Variants in ATP8B1 observed in about 807,000 individuals in gnomAD.
ATP8B1 encodes ATPase phospholipid transporting 8B1, also known as phospholipid-transporting ATPase IC.
ATP8B1 carries 80 observed loss-of-function variants against 149.9 expected under a neutral mutation model. The observed-to-expected ratio is 0.53, with a 90% CI of 0.45 to 0.64. The LOEUF (loss-of-function observed/expected upper bound fraction) is 0.64, where lower values mean the gene tolerates loss of function less well. Among genes scored for constraint, ATP8B1 ranks in the 30% least tolerant of loss-of-function variants. ATP8B1 has a pLI of 0.00. For missense variants in ATP8B1, 1,247 were observed against 1,552.6 expected (o/e 0.80, Z 3.31); for synonymous variants, 536 against 562.8 (o/e 0.95, Z 0.67).
intron 1 of ATP8B1, among the ~76,000 whole-genome samples, chr18:57,758,327 C>T (rs942573208): frequency 3.2e-5 from 2 of 63,184 alleles, no homozygotes; most frequent in Non-Finnish European, 6.5e-5. Context: ...TCTGTTTATC[C>T]GTCCTGTGTG....
chr18:57,709,055 C>T (rs929809555), intron 2 of ATP8B1, among the ~76,000 whole-genome samples: 4 of 152,186 alleles, frequency 2.6e-5, no homozygotes, highest in African/African-American at 4.8e-5. Flanking sequence ...ACCGCAAACA[C>T]GTTTTTACTC....
chr18:57,775,526 T>C (rs975460119), intron 1 of ATP8B1, among the ~76,000 whole-genome samples: 8 of 151,908 alleles, frequency 5.3e-5, no homozygotes, highest in Admixed American at 2.6e-4. Context: ...GAAGGAATTC[T>C]AACTCCATAT....
In ATP8B1 at chr18:57,695,332, T is replaced by C; in HGVS notation, c.782-3A>G. 1 of 1,597,466 alleles carries C rather than the reference T, an allele frequency of 6.3e-7. No individual in the cohort carries two copies. Among genetic ancestry groups the C allele is most frequent in the Non-Finnish European group, 8.6e-7 (1 of 1,165,302 alleles). On this transcript the variant is annotated splice_polypyrimidine_tract_variant and splice_region_variant and intron_variant, in intron 9 of 27. Transcript: ENST00000648908. The stretch of plus-strand genomic sequence containing the variant: ...GGGTTCTTCACATTCAATAAAACCT[T>C]TTAAAAATATAAGATTCACATAATT...
At chr18:57,800,605 TAAAG>T (rs1444695035) in intron 1 of ATP8B1, among the ~76,000 whole-genome samples, 6 of 152,192 alleles carry the variant, frequency 3.9e-5, no homozygotes, top group Admixed American at 2.0e-4. Flanking sequence ...ATCAATCTAA[TAAAG>T]AAAGTAAGAA....
rs1599059707 is a variant in ATP8B1 at position 57,647,969 on chromosome 18, G to A, written c.*519C>T. 1 of 211,528 alleles carries A rather than the reference G, an allele frequency of 4.7e-6. No individual in the cohort carries two copies. The highest frequency in any genetic ancestry group is 1.1e-4 in the East Asian group (1 of 8,724). The allele number at this position is 211,528 out of a possible 1,614,324, so 13.1% of individuals were successfully genotyped here. A position where few individuals can be genotyped will look rare whatever the true frequency, so the allele number is the denominator to read the frequency against. ...CCCAAAGTGCTAGGATGACAGGCAT[G>A]AGCCACCATGCCCGGCCTATTTTTA... On this transcript the variant is annotated 3_prime_UTR_variant, in exon 28 of 28. Transcript: ENST00000648908.
At chr18:57,742,944 T>A (rs981835827) in intron 1 of ATP8B1, among the ~76,000 whole-genome samples, 1 of 152,158 alleles carries the variant, frequency 6.6e-6, no homozygotes, top group Non-Finnish European at 1.5e-5. Context: ...ATGAGCAGCT[T>A]TTTCATTCCC....
At chr18:57,777,921 A>G (rs1402790885) in intron 1 of ATP8B1, among the ~76,000 whole-genome samples, 5 of 152,212 alleles carry the variant, frequency 3.3e-5, no homozygotes, top group Non-Finnish European at 7.3e-5. Context: ...TACCATTTGC[A>G]TGTATTACTT....
chr18:57,742,876 T>G (rs1299576033), intron 1 of ATP8B1, among the ~76,000 whole-genome samples: 2 of 151,768 alleles, frequency 1.3e-5, no homozygotes, highest in Non-Finnish European at 2.9e-5. Flanking sequence ...TCTGTACAAC[T>G]TCAATGCGGT....
At chr18:57,751,809 G>C (rs113973418) in intron 1 of ATP8B1, among the ~76,000 whole-genome samples, 3 of 152,230 alleles carry the variant, frequency 2.0e-5, no homozygotes, top group Non-Finnish European at 4.4e-5. Context: ...CTCAAATCCC[G>C]ATGTAATGTC....
chr18:57,650,453 T>C lies in ATP8B1; in HGVS notation c.3445A>G (p.Ile1149Val), dbSNP rs977064032. 4.3e-6 allele frequency: 7 copies of C among 1,613,816 alleles called. No homozygotes were observed. Among genetic ancestry groups the C allele is most frequent in the Non-Finnish European group, 5.9e-6 (7 of 1,179,854 alleles). The change falls in exon 27 of 28, where the codon ATC (isoleucine) becomes GTC (valine). Residue 1149 changes from isoleucine to valine, a missense_variant. Physicochemically the swap from Ile to Val is conservative, Grantham distance 29. This residue lies in a region of ATP8B1 where 164 missense variants were observed against 160.3 expected (regional missense o/e 1.02). Coordinates refer to ENST00000648908, the MANE Select transcript of ATP8B1 (RefSeq NM_001374385.1). ...AAGCACACAGCAACAGCCAGGATGA[T>C]AGTTAACCAAATGTATGGCTGTCTC... ...ALRQPYIWLT[I>V]ILAVAVCLLP...
In ATP8B1 at chr18:57,694,635, T is replaced by C. The variant is rs542923613; in HGVS notation, c.976A>G (p.Thr326Ala). The change falls in exon 11 of 28, where the codon ACC becomes GCC. Residue 326 changes from threonine to alanine, a missense_variant. Physicochemically the swap from Thr to Ala is moderately conservative, Grantham distance 58 (BLOSUM62 0). Around this residue, in one of 3 missense-constraint regions of ATP8B1, gnomAD observed 853 missense variants for 1,035.7 expected, o/e 0.82. Coordinates refer to ENST00000648908, the MANE Select transcript of ATP8B1 (RefSeq NM_001374385.1). ...DTKIMKNSGK[T>A]RFKRTKIDYL... ...TCAATTTTAGTTCTTTTAAATCTGG[T>C]TTTCCCACTATTCTTCATTATTTTA... 7.5e-6 allele frequency: 12 copies of C among 1,595,404 alleles called. No homozygotes were observed. In the South Asian group the frequency reaches 9.9e-5, roughly 13 times the overall value.
chr18:57,721,959 A>C (rs2079651271), intron 2 of ATP8B1, among the ~76,000 whole-genome samples: 1 of 129,912 alleles, frequency 7.7e-6, no homozygotes, highest in Non-Finnish European at 1.6e-5. Context: ...AAAGCCGCTC[A>C]ACTACGTGGA....
At chr18:57,696,237 T>C (rs1411767069) in intron 8 of ATP8B1, among the ~76,000 whole-genome samples, 1 of 152,162 alleles carries the variant, frequency 6.6e-6, no homozygotes, top group Non-Finnish European at 1.5e-5. Context: ...GAATCTCTCA[T>C]GGAAATAATA....
intron 11 of ATP8B1, among the ~76,000 whole-genome samples, chr18:57,693,622 C>A (rs1912654654): frequency 6.6e-6 from 1 of 151,956 alleles, no homozygotes; most frequent in Admixed American, 6.6e-5. Flanking sequence ...GCAGGAGAAT[C>A]ACTTGAACCT....
chr18:57,689,900 C>T (rs1019931242), intron 12 of ATP8B1, among the ~76,000 whole-genome samples: 9 of 152,172 alleles, frequency 5.9e-5, no homozygotes, highest in Non-Finnish European at 1.5e-5. Context: ...CTTGTAATTC[C>T]AGCCACTAAG....
At chr18:57,734,401 G>C (rs1267671669) in intron 1 of ATP8B1, among the ~76,000 whole-genome samples, 1 of 152,100 alleles carries the variant, frequency 6.6e-6, no homozygotes. Flanking sequence ...TGTTGGCCAG[G>C]CTGGGACATA....
At chr18:57,715,332 A>G (rs544417658) in intron 2 of ATP8B1, among the ~76,000 whole-genome samples, 2 of 152,308 alleles carry the variant, frequency 1.3e-5, no homozygotes, top group Non-Finnish European at 2.9e-5. Context: ...AGACAGAAGA[A>G]AAAAGAATAA....
chr18:57,648,565 T>C lies in ATP8B1; in HGVS notation c.3679A>G (p.Ile1227Val). Residue 1227 changes from isoleucine to valine, a missense_variant, in exon 28 of 28, where the codon ATC becomes GTC. Ile to Val is a conservative substitution (Grantham distance 29, BLOSUM62 3). This residue lies in a region of ATP8B1 where 164 missense variants were observed against 160.3 expected (regional missense o/e 1.02). Transcript: ENST00000648908. ...YADLISSGRS[I>V]RKKRSPLDAI... ...TCAAGCGGCGAGCGCTTCTTGCGGA[T>C]GCTGCGCCCGGAGGAGATGAGGTCC... 6.2e-7 allele frequency: 1 copy of C among 1,611,462 alleles called. No individual in the cohort carries two copies. The highest frequency in any genetic ancestry group is 8.5e-7 in the Non-Finnish European group (1 of 1,179,930).
At chr18:57,661,490 C>T (rs762315727) in intron 21 of ATP8B1, 28 bp from the exon 22 acceptor site, 1 of 1,609,480 alleles carries the variant, frequency 6.2e-7, no homozygotes, top group Non-Finnish European at 8.5e-7. Context: ...GAAAAGGTTA[C>T]ATTCACTTTA....
Sources: allele counts gnomAD v4.1 joint callset (sites outside exome capture counted in the v4.1 genomes callset), GRCh38; gene constraint gnomAD v4.1.1; regional missense constraint gnomAD v4.1.1; transcripts MANE v1.5; gene names NCBI Gene and HGNC (gene_info 2026-07-23, HGNC 2026-07-21).